Variants in GSKIP observed in about 807,000 individuals in gnomAD.
The protein encoded by GSKIP is GSK3B-interacting protein.
A neutral mutation model predicts 11.9 loss-of-function variants in GSKIP; 5 were observed. The observed-to-expected ratio is 0.42, with a 90% CI of 0.22 to 0.89. The LOEUF (loss-of-function observed/expected upper bound fraction) is 0.89. Ranked by LOEUF, GSKIP falls within the 40% of genes least tolerant of loss-of-function variation. The probability of loss-of-function intolerance (pLI) is 0.29; values close to 1 mark genes in which losing one functional copy is unlikely to be tolerated. For missense variants in GSKIP, 150 were observed against 166.6 expected, an observed-to-expected ratio of 0.90 and a Z score of 0.55; for synonymous variants, 70 against 62.9, an observed-to-expected ratio of 1.11 and a Z score of -0.54.
rs535524520 is a variant in GSKIP, at chr14:96,377,710, C to G, written c.-102-1978C>G. Reference sequence around the variant, plus strand: ...AACCTAGCTGCTCACTGCTCTGCCTCTGTAACTCCTGTCATCACCAGCTAA... The same window carrying G: ...AACCTAGCTGCTCACTGCTCTGCCTGTGTAACTCCTGTCATCACCAGCTAA... On this transcript the variant is annotated intron_variant, in intron 1 of 3. Coordinates refer to ENST00000555181, the MANE Select transcript of GSKIP (RefSeq NM_016472.5). 6.0e-4 allele frequency among the ~76,000 whole-genome samples: 91 copies of G among 152,330 alleles called. 2 individuals carry two copies. Among genetic ancestry groups the G allele is most frequent in the African/African-American group, 1.8e-3 (76 of 41,578 alleles).
At chr14:96,363,975 A>T (rs1488806884) in intron 1 of GSKIP, 1 of 152,314 alleles carries the variant, frequency 6.6e-6, no homozygotes, top group Non-Finnish European at 1.5e-5. Context: ...GGCGGTTTGC[A>T]GAGCGCTTCT....
intron 1 of GSKIP, among the ~76,000 whole-genome samples, chr14:96,373,938 A>G (rs1293170956): frequency 6.6e-6 from 1 of 152,234 alleles, no homozygotes; most frequent in Non-Finnish European, 1.5e-5. Flanking sequence ...TCAGCACCAC[A>G]TTCACAATGT....
intron 1 of GSKIP, among the ~76,000 whole-genome samples, chr14:96,372,417 A>G (rs1889072428): frequency 6.6e-6 from 1 of 152,266 alleles, no homozygotes; most frequent in Non-Finnish European, 1.5e-5. Flanking sequence ...CTGTTCAGGA[A>G]GATACAGTGA....
chr14:96,379,261 G>A (rs980916028), intron 1 of GSKIP, among the ~76,000 whole-genome samples: 1 of 152,200 alleles, frequency 6.6e-6, no homozygotes, highest in African/African-American at 2.4e-5. Context: ...CCGAGATCAT[G>A]TCACTGCACT....
At chr14:96,385,045 T>A (rs959292709) in intron 3 of GSKIP, among the ~76,000 whole-genome samples, 1 of 152,132 alleles carries the variant, frequency 6.6e-6, no homozygotes, top group Non-Finnish European at 1.5e-5. Flanking sequence ...TAGAATTGTT[T>A]ATAAAAGAAG....
intron 2 of GSKIP, among the ~76,000 whole-genome samples, chr14:96,380,577 A>G (rs1270236528): frequency 6.6e-6 from 1 of 152,214 alleles, no homozygotes; most frequent in African/African-American, 2.4e-5. Flanking sequence ...AAGGATTTTG[A>G]ATGTCACTAT....
intron 2 of GSKIP, among the ~76,000 whole-genome samples, chr14:96,381,338 G>A (rs1889339055): frequency 6.6e-6 from 1 of 152,200 alleles, no homozygotes; most frequent in South Asian, 2.1e-4. Context: ...CAAATTAATG[G>A]TGAAAAGATG....
intron 2 of GSKIP, 68 bp downstream of exon 2, chr14:96,379,856 A>G (rs1466544876): frequency 1.3e-5 from 2 of 152,210 alleles, no homozygotes; most frequent in Non-Finnish European, 2.9e-5. Context: ...TTTCTCATAT[A>G]AACATCTTTT....
At chr14:96,368,088 TTTTTTTTTTACA>T (rs1313960667) in intron 1 of GSKIP, among the ~76,000 whole-genome samples, 2 of 152,266 alleles carry the variant, frequency 1.3e-5, no homozygotes, top group Admixed American at 6.5e-5. Context: ...TGGAATTTTT[TTTTTTTTTTACA>T]TTCCATTTTT....
At chr14:96,384,404 A>G (rs1412904568) in intron 3 of GSKIP, among the ~76,000 whole-genome samples, 1 of 152,124 alleles carries the variant, frequency 6.6e-6, no homozygotes, top group East Asian at 1.9e-4. Context: ...TAAAAAAAAA[A>G]AAACTCAGCT....
intron 1 of GSKIP, among the ~76,000 whole-genome samples, chr14:96,375,543 C>T (rs1198687456): frequency 1.3e-5 from 2 of 151,808 alleles, no homozygotes; most frequent in African/African-American, 4.8e-5. Flanking sequence ...AAGCGATTCT[C>T]CTGCCTCAGC....
chr14:96,380,058 T>G (rs937962919), intron 2 of GSKIP: 21 of 152,214 alleles, frequency 1.4e-4, no homozygotes, highest in African/African-American at 4.1e-4. Flanking sequence ...ATACTGATTA[T>G]TTTTGGAATA....
At position 96,382,475 on chromosome 14, in the gene GSKIP, T is replaced by C; in HGVS notation, c.228T>C (p.Tyr76=). ...TGGAAACAAAGGAAAGAAACAGATA[T>C]TGCCTAGAACTCACTGAAGCAGGGC... is the stretch of plus-strand genomic sequence containing the variant. ...INVETKERNR[Y]CLELTEAGLK... Residue 76 remains tyrosine, a synonymous_variant, in exon 3 of 4, where the codon TAT becomes TAC. Coordinates refer to ENST00000555181, the MANE Select transcript of GSKIP (RefSeq NM_016472.5). The C allele has an allele frequency of 1.9e-6, 3 of 1,613,518 alleles. No homozygotes were observed. The highest frequency in any genetic ancestry group is 2.5e-6 in the Non-Finnish European group (3 of 1,179,514).
chr14:96,382,206 CT>C, intron 2 of GSKIP, 40 bp from the exon 3 acceptor site: 3 of 1,449,160 alleles, frequency 2.1e-6, no homozygotes, highest in Non-Finnish European at 2.8e-6. Context: ...GAATGTCTTT[CT>C]ATAAACAAAT....
intron 1 of GSKIP, among the ~76,000 whole-genome samples, chr14:96,369,808 G>T (rs768652879): frequency 3.3e-5 from 5 of 152,168 alleles, no homozygotes; most frequent in Non-Finnish European, 7.3e-5. Context: ...GAAATGTGGT[G>T]TTGGAGCCCC....
At chr14:96,370,102 G>C (rs537834351) in intron 1 of GSKIP, among the ~76,000 whole-genome samples, 10 of 152,344 alleles carry the variant, frequency 6.6e-5, no homozygotes, top group Non-Finnish European at 7.3e-5. Context: ...ATGGGCTTTA[G>C]ATTCTCATGG....
intron 2 of GSKIP, chr14:96,380,383 G>A (rs758133487): frequency 8.5e-5 from 13 of 152,188 alleles, no homozygotes; most frequent in Non-Finnish European, 1.5e-4. Flanking sequence ...ACATTCAGCT[G>A]TAGGAACTCC....
chr14:96,375,165 A>G (rs1889163454), intron 1 of GSKIP, among the ~76,000 whole-genome samples: 1 of 152,214 alleles, frequency 6.6e-6, no homozygotes, highest in Non-Finnish European at 1.5e-5. Context: ...ACAACAAAAA[A>G]TATCGTTAAT....
intron 1 of GSKIP, among the ~76,000 whole-genome samples, chr14:96,377,068 A>G (rs940194559): frequency 2.0e-5 from 3 of 152,204 alleles, no homozygotes; most frequent in African/African-American, 7.2e-5. Flanking sequence ...AACTCTGCTT[A>G]TTATATTATC....
Sources: allele counts gnomAD v4.1 joint callset (sites outside exome capture counted in the v4.1 genomes callset), GRCh38; gene constraint gnomAD v4.1.1; transcripts MANE v1.5; gene names NCBI Gene and HGNC (gene_info 2026-07-23, HGNC 2026-07-21).